LY96: variants seen among roughly 807,000 people sequenced by gnomAD.
LY96 encodes myeloid differentiation protein-2.
A neutral mutation model predicts 18.9 loss-of-function variants in LY96; 18 were observed. The observed-to-expected ratio is 0.95, with a 90% CI of 0.66 to 1.41. The LOEUF is 1.41. LY96 is among the 40% of genes most tolerant of loss of function. The probability of loss-of-function intolerance (pLI) is 0.00; values close to 1 mark genes in which losing one functional copy is unlikely to be tolerated. For synonymous variants in LY96, 66 were observed against 62.6 expected, an observed-to-expected ratio of 1.06 and a Z score of -0.26; for missense variants, 175 against 182.4, an observed-to-expected ratio of 0.96 and a Z score of 0.23.
the LY96 span, among the ~76,000 whole-genome samples, chr8:74,050,431 C>T: frequency 6.6e-6 from 1 of 151,972 alleles, no homozygotes; most frequent in Non-Finnish European, 1.5e-5. Context: ...TCACCCATAA[C>T]ACATACCCAC....
chr8:74,028,832 G>A, intron 4 of LY96, 124 bp from the exon 5 acceptor site: 1 of 578,088 alleles, frequency 1.7e-6, no homozygotes. Context: ...TCGTCTCATT[G>A]GAAAACTATA....
At chr8:74,037,622 G>A in the LY96 span, among the ~76,000 whole-genome samples, 1 of 152,194 alleles carries the variant, frequency 6.6e-6, no homozygotes, top group East Asian at 1.9e-4. Flanking sequence ...AACAGAGTGA[G>A]ACTCTGTTTC....
At chr8:74,034,287 G>C in the LY96 span, among the ~76,000 whole-genome samples, 1 of 152,014 alleles carries the variant, frequency 6.6e-6, no homozygotes, top group African/African-American at 2.4e-5. Context: ...CATGAGAATT[G>C]TTTGAGCCTG....
chr8:74,023,438 T>G (rs75913616), intron 3 of LY96, among the ~76,000 whole-genome samples: 3,137 of 152,308 alleles, frequency 0.021, 121 homozygotes, highest in Admixed American at 0.078. Context: ...CACTGTTGAA[T>G]AGCAGGCCTG....
At chr8:74,060,401 C>A in the LY96 span, among the ~76,000 whole-genome samples, 1 of 152,196 alleles carries the variant, frequency 6.6e-6, no homozygotes, top group African/African-American at 2.4e-5. Flanking sequence ...AAATTCACTA[C>A]CTATCGGAAC....
At chr8:74,059,415 CAGG>C in the LY96 span, among the ~76,000 whole-genome samples, 2 of 152,098 alleles carry the variant, frequency 1.3e-5, no homozygotes, top group Non-Finnish European at 2.9e-5. Context: ...AAAAAAGAAG[CAGG>C]AGGTGGGGAT....
chr8:74,076,917 C>T, the LY96 span, among the ~76,000 whole-genome samples: 1 of 152,210 alleles, frequency 6.6e-6, no homozygotes, highest in South Asian at 2.1e-4. Flanking sequence ...GCCCCTACTT[C>T]AGATGTTAAT....
At chr8:74,052,957 T>G in the LY96 span, among the ~76,000 whole-genome samples, 15 of 152,194 alleles carry the variant, frequency 9.9e-5, no homozygotes, top group Non-Finnish European at 2.1e-4. Flanking sequence ...GATTTTTATG[T>G]GAAAATTTAA....
At chr8:74,025,693 C>A (rs1031844555) in intron 3 of LY96, among the ~76,000 whole-genome samples, 9 of 148,206 alleles carry the variant, frequency 6.1e-5, no homozygotes, top group Non-Finnish European at 1.0e-4. Flanking sequence ...CCTTTATCTG[C>A]TTTAAAGAAA....
At chr8:74,096,552 T>C in the LY96 span, among the ~76,000 whole-genome samples, 92,184 of 152,006 alleles carry the variant, frequency 0.61, 28,562 homozygotes, top group African/African-American at 0.68. Flanking sequence ...ATTGCAACCC[T>C]CTCCCTCCAG....
chr8:74,083,277 T>C, the LY96 span, among the ~76,000 whole-genome samples: 1 of 152,060 alleles, frequency 6.6e-6, no homozygotes, highest in Non-Finnish European at 1.5e-5. Context: ...TGCAGTGGCA[T>C]GGTCTCAGCT....
chr8:74,044,019 C>G, the LY96 span, among the ~76,000 whole-genome samples: 2 of 152,092 alleles, frequency 1.3e-5, no homozygotes, highest in Non-Finnish European at 2.9e-5. Context: ...AACCTCCTGC[C>G]TCAGCCTTAA....
the LY96 span, among the ~76,000 whole-genome samples, chr8:74,057,853 G>A: frequency 6.6e-6 from 1 of 152,200 alleles, no homozygotes; most frequent in Non-Finnish European, 1.5e-5. Context: ...CAGGGGATGA[G>A]GTGTTAGCAT....
the LY96 span, among the ~76,000 whole-genome samples, chr8:74,088,151 A>AAT: frequency 3.4e-4 from 51 of 151,308 alleles, no homozygotes; most frequent in African/African-American, 1.2e-3. Context: ...AATAGAATAG[A>AAT]AAAGAATAGA....
the LY96 span, among the ~76,000 whole-genome samples, chr8:74,052,083 A>C: frequency 6.6e-6 from 1 of 152,216 alleles, no homozygotes; most frequent in Non-Finnish European, 1.5e-5. Context: ...AAGAAAAAGA[A>C]AAATACTTGG....
downstream of LY96, among the ~76,000 whole-genome samples, chr8:74,033,896 G>A (rs1039957824): frequency 7.1e-6 from 1 of 141,824 alleles, no homozygotes; most frequent in African/African-American, 2.9e-5. Context: ...AGGACAATTG[G>A]AGACTTTTTT....
chr8:74,017,048 G>A (rs1288024850), intron 3 of LY96, among the ~76,000 whole-genome samples: 1 of 152,222 alleles, frequency 6.6e-6, no homozygotes, highest in Non-Finnish European at 1.5e-5. Flanking sequence ...GATGGAGAAT[G>A]ACTTTGATGA....
the LY96 span, among the ~76,000 whole-genome samples, chr8:74,054,380 A>C: frequency 6.6e-6 from 1 of 152,230 alleles, no homozygotes; most frequent in Admixed American, 6.5e-5. Context: ...ATAGTAGCAG[A>C]GAATGGACTA....
chr8:74,042,708 T>A, the LY96 span, among the ~76,000 whole-genome samples: 1 of 152,148 alleles, frequency 6.6e-6, no homozygotes, highest in Non-Finnish European at 1.5e-5. Context: ...AGGTCTAGGT[T>A]CTAGTCTTTA....
Sources: allele counts gnomAD v4.1 joint callset (sites outside exome capture counted in the v4.1 genomes callset), GRCh38; gene constraint gnomAD v4.1.1; transcripts MANE v1.5; gene names NCBI Gene and HGNC (gene_info 2026-07-23, HGNC 2026-07-21).